FIS1: variants seen among roughly 807,000 people sequenced by gnomAD.
FIS1 encodes the protein fission, mitochondrial 1.
In FIS1, 16 loss-of-function variants were observed where a neutral mutation model predicts 21.6. The ratio of observed to expected loss-of-function variants is 0.74; its 90% CI spans 0.50 to 1.12. FIS1 has a LOEUF of 1.12. Ranked by LOEUF, FIS1 falls within the 50% of genes most tolerant of loss-of-function variation. The pLI, the probability that FIS1 is intolerant of heterozygous loss-of-function variation, is 0.00. For synonymous variants in FIS1, 92 were observed against 82.2 expected (o/e 1.12, Z -0.65); for missense variants, 198 against 190.9 (o/e 1.04, Z -0.22).
rs142461818 is a variant in FIS1 at position 101,240,905 on chromosome 7, C to T, written c.180G>A (p.Glu60=). ...CCTCCTTGCTCCCTTTGGGCAGCAG[C>T]TCTGGGGAGGGGCAGAGAAGAGGGT... The part of the protein sequence containing the change: ...DIRKGIVLLE[E]LLPKGSKEEQ... Residue 60 remains glutamate, a splice_region_variant and synonymous_variant, in exon 3 of 5, where the codon GAG becomes GAA. Coordinates refer to ENST00000223136, the MANE Select transcript of FIS1 (RefSeq NM_016068.3). 424 of 1,614,134 alleles carry T rather than the reference C, an allele frequency of 2.6e-4. 2 individuals are homozygous for T. In the African/African-American group the frequency reaches 4.8e-3, roughly 18 times the overall value.
At position 101,239,738 on chromosome 7, in the gene FIS1, A is replaced by AAAAGGGAAAGG; in HGVS notation, c.*67_*68insCCTTTCCCTTT. 7.6e-7 allele frequency: 1 copy of AAAAGGGAAAGG among 1,315,508 alleles called. No homozygotes were observed. The highest frequency in any genetic ancestry group is 1.1e-6 in the Non-Finnish European group (1 of 931,376). 81.5% of individuals were successfully genotyped at this position (1,315,508 alleles called of 1,614,324 possible). A position where few individuals can be genotyped will look rare whatever the true frequency, so the allele number is the denominator to read the frequency against. On this transcript the variant is annotated 3_prime_UTR_variant, in exon 5 of 5. Transcript: ENST00000223136. ...GGATAGAGACGGGGGGCAGGGGGAG[A>AAAAGGGAAAGG]ACAGGGAAAGGACAGCGAGGATGGA... is the stretch of plus-strand genomic sequence containing the variant.
In FIS1 at chr7:101,245,007, C is replaced by A. The variant is rs761810980; in HGVS notation, c.-3G>T. ...AGCTCGTTCAGCACGGCCTCCATGG[C>A]CACTGCCCCCGCGAGCCTCACACTA... On this transcript the variant is annotated 5_prime_UTR_variant, in exon 1 of 5. Coordinates refer to ENST00000223136, the MANE Select transcript of FIS1 (RefSeq NM_016068.3). 1 of 1,613,912 alleles carries A rather than the reference C, an allele frequency of 6.2e-7. No homozygotes were observed. The highest frequency in any genetic ancestry group is 1.7e-5 in the Admixed American group (1 of 60,008).
In FIS1 at chr7:101,239,755, G is replaced by T; in HGVS notation, c.*51C>A. 2.1e-6 allele frequency: 3 copies of T among 1,446,844 alleles called. No homozygotes were observed. The highest frequency in any genetic ancestry group is 1.2e-5 in the South Asian group (1 of 82,416). The allele number at this position is 1,446,844 out of a possible 1,614,324, so 89.6% of individuals were successfully genotyped here. ...AGGGGGAGAACAGGGAAAGGACAGC[G>T]AGGATGGACAGGCCCTCCTGGAGCG... is the stretch of plus-strand genomic sequence containing the variant. On this transcript the variant is annotated 3_prime_UTR_variant, in exon 5 of 5. Transcript: ENST00000223136.
Position 101,240,264 on chromosome 7 carries a change from G to C in FIS1, c.256-17C>G. The C allele has an allele frequency of 6.2e-7, 1 of 1,612,162 alleles. No individual in the cohort carries two copies. Among genetic ancestry groups the C allele is most frequent in the Non-Finnish European group, 8.5e-7 (1 of 1,178,192 alleles). On this transcript the variant is annotated splice_polypyrimidine_tract_variant and intron_variant, in intron 3 of 4. Coordinates refer to ENST00000223136, the MANE Select transcript of FIS1 (RefSeq NM_016068.3). ...CTCGTATTCCTGCGCTCGGGGAAAC[G>C]CGCACGCGTCATACACACCGCAGTG...
chr7:101,240,458 C>G (rs1257466164), intron 3 of FIS1, among the ~76,000 whole-genome samples: 1 of 152,176 alleles, frequency 6.6e-6, no homozygotes, highest in Admixed American at 6.5e-5. Context: ...GCCACTGGGC[C>G]GGCTACACCT....
chr7:101,243,532 G>A (rs1468171675), intron 2 of FIS1, among the ~76,000 whole-genome samples: 1 of 152,130 alleles, frequency 6.6e-6, no homozygotes, highest in Non-Finnish European at 1.5e-5. Context: ...CTGAGACAGC[G>A]CCACTGTACT....
chr7:101,240,682 G>T, intron 3 of FIS1, 148 bp downstream of exon 3: 1 of 751,820 alleles, frequency 1.3e-6, no homozygotes, highest in Non-Finnish European at 2.3e-6. Context: ...TCGCCACTCT[G>T]ATCTTCCCTC....
At chr7:101,241,331 C>T (rs1247822544) in intron 2 of FIS1, among the ~76,000 whole-genome samples, 3 of 152,108 alleles carry the variant, frequency 2.0e-5, no homozygotes, top group Non-Finnish European at 4.4e-5. Flanking sequence ...AGCGATTCTC[C>T]TGCCTCGGTT....
At chr7:101,242,007 C>T (rs1798757428) in intron 2 of FIS1, among the ~76,000 whole-genome samples, 1 of 152,164 alleles carries the variant, frequency 6.6e-6, no homozygotes, top group African/African-American at 2.4e-5. Context: ...GTAGCATGTC[C>T]ATGGCTCACT....
In FIS1 at chr7:101,244,102, C is replaced by A. The variant is rs1205371666; in HGVS notation, c.83G>T (p.Gly28Val). Residue 28 changes from glycine to valine, a missense_variant, in exon 2 of 5, where the codon GGC becomes GTC. Transcript: ENST00000223136. The part of the protein sequence containing the change: ...EKKFQSEKAA[G>V]SVSKSTQFEY... ...AAACTGCGTGCTCTTGGACACCGAG[C>A]CTGCTGCCTTCTCAGACTGAAATTT... is the stretch of plus-strand genomic sequence containing the variant. The A allele has an allele frequency of 6.2e-7, 1 of 1,613,810 alleles. No individual in the cohort carries two copies. Among genetic ancestry groups the A allele is most frequent in the Non-Finnish European group, 8.5e-7 (1 of 1,179,848 alleles).
chr7:101,241,151 G>C (rs1238771328), intron 2 of FIS1: 1 of 510,278 alleles, frequency 2.0e-6, no homozygotes, highest in Non-Finnish European at 3.5e-6. Flanking sequence ...CAGTCAACTG[G>C]TCCATCCAAC....
chr7:101,245,072 G>A lies in FIS1; in HGVS notation c.-68C>T. ...ACAGTCTCCATGGCCCAGTGGCAGGGGCGGAGAACCACTTCCGGCGTCCGG... is the reference window on the plus strand; with the variant it reads ...ACAGTCTCCATGGCCCAGTGGCAGGAGCGGAGAACCACTTCCGGCGTCCGG... On this transcript the variant is annotated 5_prime_UTR_variant, in exon 1 of 5. Transcript: ENST00000223136. 2 of 1,552,686 alleles carry A rather than the reference G, an allele frequency of 1.3e-6. No homozygotes were observed. The highest frequency in any genetic ancestry group is 1.8e-5 in the Admixed American group (1 of 55,256).
At chr7:101,240,682 G>C (rs1363709892) in intron 3 of FIS1, 148 bp downstream of exon 3, 2 of 751,702 alleles carry the variant, frequency 2.7e-6, no homozygotes, top group Non-Finnish European at 4.6e-6. Context: ...TCGCCACTCT[G>C]ATCTTCCCTC....
In FIS1 at chr7:101,244,011, G is replaced by A; in HGVS notation, c.174C>T (p.Leu58=). 6.2e-7 allele frequency: 1 copy of A among 1,612,764 alleles called. No individual in the cohort carries two copies. The highest frequency in any genetic ancestry group is 1.3e-5 in the African/African-American group (1 of 74,988). ...AGGGAGAGTACAGCGCCTCACCCTC[G>A]AGCAGCACGATGCCTTTACGGATGT... ...NDDIRKGIVL[L]EELLPKGSKE... Residue 58 remains leucine, a synonymous_variant, in exon 2 of 5, where the codon CTC becomes CTT. Coordinates refer to ENST00000223136, the MANE Select transcript of FIS1 (RefSeq NM_016068.3).
chr7:101,241,254 C>T (rs73185938), intron 2 of FIS1: 39,126 of 231,978 alleles, frequency 0.17, 4,047 homozygotes, highest in East Asian at 0.4. Flanking sequence ...CGGAGTTTCA[C>T]TCGTCGCCCA....
At chr7:101,243,980 C>G in intron 2 of FIS1, 27 bp downstream of exon 2, 8 of 1,593,728 alleles carry the variant, frequency 5.0e-6, no homozygotes, top group South Asian at 1.1e-5. Flanking sequence ...CAGATGGCAG[C>G]GGGAAAGGGA....
chr7:101,243,524 G>A (rs548161345), intron 2 of FIS1, among the ~76,000 whole-genome samples: 5 of 152,306 alleles, frequency 3.3e-5, no homozygotes, highest in Admixed American at 1.3e-4. Flanking sequence ...GCAGTGAGCT[G>A]AGACAGCGCC....
At chr7:101,239,973 C>T in intron 4 of FIS1, 70 bp from the exon 5 acceptor site, 2 of 1,475,666 alleles carry the variant, frequency 1.4e-6, no homozygotes, top group Non-Finnish European at 1.9e-6. Context: ...CTTCCGCCAG[C>T]CCTGCCCCTC....
intron 2 of FIS1, among the ~76,000 whole-genome samples, chr7:101,242,494 T>C (rs561444776): frequency 4.1e-4 from 62 of 150,170 alleles, no homozygotes; most frequent in African/African-American, 1.4e-3. Context: ...ATAGTTTTTT[T>C]TTTTTTTTTT....
Sources: allele counts gnomAD v4.1 joint callset (sites outside exome capture counted in the v4.1 genomes callset), GRCh38; gene constraint gnomAD v4.1.1; transcripts MANE v1.5; gene names NCBI Gene and HGNC (gene_info 2026-07-23, HGNC 2026-07-21).